Variants in PLEKHA2 observed in about 807,000 individuals in gnomAD.
PLEKHA2 encodes the protein pleckstrin homology domain-containing family A member 2.
A neutral mutation model predicts 53.2 loss-of-function variants in PLEKHA2; 28 were observed. The observed-to-expected ratio is 0.53, with a 90% CI of 0.39 to 0.72. The LOEUF is 0.72. Ranked by LOEUF, PLEKHA2 falls within the 30% of genes least tolerant of loss-of-function variation. The pLI is 0.00. For missense variants in PLEKHA2, 426 were observed against 537.9 expected, an observed-to-expected ratio of 0.79 and a Z score of 2.06; for synonymous variants, 193 against 196.4, an observed-to-expected ratio of 0.98 and a Z score of 0.14.
At chr8:38,962,395 G>C (rs976618379) in intron 10 of PLEKHA2, among the ~76,000 whole-genome samples, 4 of 152,214 alleles carry the variant, frequency 2.6e-5, no homozygotes, top group Non-Finnish European at 4.4e-5. Context: ...CCATGATATA[G>C]AGGGTGTGGT....
intron 5 of PLEKHA2, among the ~76,000 whole-genome samples, chr8:38,950,063 C>A (rs532096146): frequency 6.6e-6 from 1 of 151,228 alleles, no homozygotes; most frequent in Non-Finnish European, 1.5e-5. Context: ...GTATTTTTTT[C>A]GAGACAGGGT....
At chr8:38,955,655 C>T (rs1834925885) in intron 9 of PLEKHA2, among the ~76,000 whole-genome samples, 1 of 152,216 alleles carries the variant, frequency 6.6e-6, no homozygotes. Flanking sequence ...TCTCTGGTCT[C>T]ATGCACTCCT....
intron 1 of PLEKHA2, among the ~76,000 whole-genome samples, chr8:38,907,690 G>A (rs1833897566): frequency 1.3e-5 from 2 of 151,816 alleles, no homozygotes; most frequent in African/African-American, 4.8e-5. Context: ...GAGCCCAGGA[G>A]GTGGAGGCTG....
At position 38,936,565 on chromosome 8, in the gene PLEKHA2, A is replaced by T. The variant is rs1207023054; in HGVS notation, c.198+515A>T. ...AGAAGCCACTCAGATTACCAAGAAG[A>T]CATTCAGCAGCCAGATAACTGCTGG... On this transcript the variant is annotated intron_variant, in intron 3 of 11. Coordinates refer to ENST00000617275, the MANE Select transcript of PLEKHA2 (RefSeq NM_021623.2). Among the ~76,000 whole-genome samples, 6 of 152,320 alleles carry T rather than the reference A, an allele frequency of 3.9e-5. No individual in the cohort carries two copies. The East Asian group carries it at 1.2e-3, about 29-fold the overall frequency.
intron 8 of PLEKHA2, among the ~76,000 whole-genome samples, chr8:38,953,015 A>AT (rs1409216535): frequency 2.0e-5 from 3 of 151,896 alleles, no homozygotes; most frequent in African/African-American, 4.8e-5. Context: ...ACAGTGGTGG[A>AT]TTTTTTGTAG....
intron 3 of PLEKHA2, among the ~76,000 whole-genome samples, chr8:38,943,268 C>T (rs1190384673): frequency 6.6e-6 from 1 of 151,814 alleles, no homozygotes; most frequent in Non-Finnish European, 1.5e-5. Context: ...ATTGCTTGAG[C>T]CCAGGAGTTT....
At chr8:38,935,346 T>C (rs538534267) in intron 2 of PLEKHA2, among the ~76,000 whole-genome samples, 27 of 152,206 alleles carry the variant, frequency 1.8e-4, no homozygotes, top group African/African-American at 6.5e-4. Context: ...AGCTTTCTTA[T>C]GAGGTAGGTG....
At chr8:38,943,925 A>G (rs1834659335) in intron 4 of PLEKHA2, 88 bp downstream of exon 4, 1 of 1,109,662 alleles carries the variant, frequency 9.0e-7, no homozygotes, top group Non-Finnish European at 1.3e-6. Flanking sequence ...ATCACATGTG[A>G]CTATACCCTG....
rs778888756 is a variant in PLEKHA2, at chr8:38,951,009, G to A, written c.486+19G>A. 6.2e-6 allele frequency: 10 copies of A among 1,610,744 alleles called. No homozygotes were observed. Among genetic ancestry groups the A allele is most frequent in the South Asian group, 1.1e-5 (1 of 90,636 alleles). On this transcript the variant is annotated intron_variant, in intron 6 of 11. Transcript: ENST00000617275. ...CAGCCAGGTGAGGGGCCTGACTGGG[G>A]CTGCGGGGGGAGTGGGGGTGTGGAA...
chr8:38,944,179 G>C (rs917966192), intron 4 of PLEKHA2, among the ~76,000 whole-genome samples: 1 of 151,626 alleles, frequency 6.6e-6, no homozygotes, highest in Non-Finnish European at 1.5e-5. Context: ...GTCTGTTCTT[G>C]AACTGCTATA....
Position 38,972,687 on chromosome 8 carries a change from AAAATTGAACC to A in PLEKHA2, c.*2909_*2918del, listed in dbSNP as rs1835274210. 1 of 152,226 alleles carries A rather than the reference AAAATTGAACC, an allele frequency of 6.6e-6. No homozygotes were observed. The highest frequency in any genetic ancestry group is 1.9e-4 in the East Asian group (1 of 5,202). The allele number at this position is 152,226 out of a possible 1,614,324, so 9.4% of individuals were successfully genotyped here. The stretch of plus-strand genomic sequence containing the variant: ...CCAAAGCAGTTAGTTTTAAATGTAT[AAAATTGAACC>A]AAATGGAAAAAATAGGTTGGGGATG... On this transcript the variant is annotated 3_prime_UTR_variant, in exon 12 of 12. Transcript: ENST00000617275.
chr8:38,944,440 C>T (rs1022795106), intron 4 of PLEKHA2, among the ~76,000 whole-genome samples: 4 of 151,898 alleles, frequency 2.6e-5, no homozygotes, highest in Admixed American at 6.6e-5. Context: ...TCTCTTGAAC[C>T]CAGGAGGCGG....
At chr8:38,959,193 A>G (rs964958564) in intron 10 of PLEKHA2, among the ~76,000 whole-genome samples, 1 of 152,212 alleles carries the variant, frequency 6.6e-6, no homozygotes, top group Non-Finnish European at 1.5e-5. Flanking sequence ...AACGTGAACC[A>G]TAAGCAGGTC....
Position 38,918,350 on chromosome 8 carries a change from C to T in PLEKHA2, c.141+280C>T, listed in dbSNP as rs1452287685. Among the ~76,000 whole-genome samples the T allele has an allele frequency of 2.0e-5, 3 of 148,228 alleles. No individual in the cohort carries two copies. In the South Asian group the frequency reaches 6.4e-4, roughly 32 times the overall value. On this transcript the variant is annotated intron_variant, in intron 2 of 11. Coordinates refer to ENST00000617275, the MANE Select transcript of PLEKHA2 (RefSeq NM_021623.2). ...TACAGACACGACACATACACACATGCACACACCATATACACACCACACAGA... is the reference window on the plus strand; with the variant it reads ...TACAGACACGACACATACACACATGTACACACCATATACACACCACACAGA...
intron 3 of PLEKHA2, among the ~76,000 whole-genome samples, chr8:38,941,881 T>A (rs778330142): frequency 1.2e-4 from 19 of 152,228 alleles, no homozygotes; most frequent in Non-Finnish European, 2.2e-4. Context: ...GACCTTCTTT[T>A]GATCTTTTAT....
intron 4 of PLEKHA2, among the ~76,000 whole-genome samples, chr8:38,945,156 A>C (rs546847046): frequency 6.6e-6 from 1 of 152,194 alleles, no homozygotes; most frequent in Non-Finnish European, 1.5e-5. Context: ...GGCTCCTACT[A>C]TGTTCTCACA....
At chr8:38,916,244 T>A (rs554202027) in intron 1 of PLEKHA2, among the ~76,000 whole-genome samples, 24 of 152,362 alleles carry the variant, frequency 1.6e-4, no homozygotes, top group Non-Finnish European at 3.1e-4. Context: ...CCCAAAGTGC[T>A]GGGATTACTG....
chr8:38,945,078 C>G (rs1020927940), intron 4 of PLEKHA2, among the ~76,000 whole-genome samples: 1 of 152,156 alleles, frequency 6.6e-6, no homozygotes, highest in Admixed American at 6.5e-5. Flanking sequence ...GCAGAGTCAC[C>G]GTGCATGGGT....
chr8:38,935,956 C>CCA, intron 2 of PLEKHA2, 38 bp from the exon 3 acceptor site: 1 of 1,601,358 alleles, frequency 6.2e-7, no homozygotes, highest in Non-Finnish European at 8.6e-7. Flanking sequence ...GGTGCTGTTT[C>CCA]CACAGCCTTC....
Sources: allele counts gnomAD v4.1 joint callset (sites outside exome capture counted in the v4.1 genomes callset), GRCh38; gene constraint gnomAD v4.1.1; transcripts MANE v1.5; gene names NCBI Gene and HGNC (gene_info 2026-07-23, HGNC 2026-07-21).